ZC3H11A: variants seen among roughly 807,000 people sequenced by gnomAD.
The protein encoded by ZC3H11A is zinc finger CCCH domain-containing protein 11A.
A neutral mutation model predicts 90.8 loss-of-function variants in ZC3H11A; 22 were observed. That is an observed-to-expected ratio of 0.24 (90% confidence interval 0.17 to 0.35). ZC3H11A has a LOEUF of 0.35. Ranked by LOEUF, ZC3H11A falls within the 10% of genes least tolerant of loss-of-function variation. ZC3H11A has a pLI of 1.00. For missense variants in ZC3H11A, 701 were observed against 964.9 expected (o/e 0.73, Z 3.62); for synonymous variants, 294 against 339.8 (o/e 0.87, Z 1.48).
chr1:203,829,002 A>G (rs1681420744), intron 5 of ZC3H11A, among the ~76,000 whole-genome samples: 1 of 152,250 alleles, frequency 6.6e-6, no homozygotes, highest in Non-Finnish European at 1.5e-5. Flanking sequence ...TTTAAAAGCC[A>G]CAGTTGCTAC....
At chr1:203,798,100 C>T in intron 1 of ZC3H11A, 2 of 1,536,118 alleles carry the variant, frequency 1.3e-6, no homozygotes, top group Non-Finnish European at 1.7e-6. Flanking sequence ...TTTGGAGTTG[C>T]TAGTGGAGAG....
Position 203,843,547 on chromosome 1 carries a change from A to T in ZC3H11A, c.1042+3173A>T, listed in dbSNP as rs566399002. Among the ~76,000 whole-genome samples, 3 of 152,318 alleles carry T rather than the reference A, an allele frequency of 2.0e-5. No homozygotes were observed. In the East Asian group the frequency reaches 5.8e-4, roughly 29 times the overall value. The stretch of plus-strand genomic sequence containing the variant: ...TTTTCCTGTAAAGGGTCGGATATAA[A>T]TAACTTTGCAGTCCACAGTATTGCA... On this transcript the variant is annotated intron_variant, in intron 12 of 17. Transcript: ENST00000367210.
At chr1:203,833,384 A>C (rs1371744334) in intron 9 of ZC3H11A, among the ~76,000 whole-genome samples, 2 of 136,086 alleles carry the variant, frequency 1.5e-5, no homozygotes, top group East Asian at 2.0e-4. Flanking sequence ...AAAAAAAAAA[A>C]CACCAGGTGT....
Position 203,829,622 on chromosome 1 carries a change from T to G in ZC3H11A, c.470T>G (p.Ile157Ser). ...AGCCCCACGCATCCACCAGTTGTAA[T>G]TAATGCTGCAGATGATGATGAAGAT... ...VPSPTHPPVVINAADDDEDDD... is the reference protein window; with the variant it reads ...VPSPTHPPVVSNAADDDEDDD... Residue 157 changes from isoleucine to serine, a missense_variant, in exon 6 of 18, where the codon ATT (isoleucine) becomes AGT (serine). By Grantham distance (142) the Ile-to-Ser change is moderately radical. Coordinates refer to ENST00000367210, the MANE Select transcript of ZC3H11A (RefSeq NM_001376342.1). The G allele has an allele frequency of 6.2e-7, 1 of 1,614,230 alleles. No homozygotes were observed. The highest frequency in any genetic ancestry group is 8.5e-7 in the Non-Finnish European group (1 of 1,180,046).
intron 4 of ZC3H11A, among the ~76,000 whole-genome samples, chr1:203,821,287 A>G (rs66989691): frequency 0.15 from 23,554 of 152,064 alleles, 1,913 homozygotes; most frequent in African/African-American, 0.17. Context: ...CTCCCCAGCC[A>G]TGCAGAACTG....
At chr1:203,827,555 A>G (rs1288890234) in intron 4 of ZC3H11A, among the ~76,000 whole-genome samples, 1 of 151,826 alleles carries the variant, frequency 6.6e-6, no homozygotes, top group Non-Finnish European at 1.5e-5. Flanking sequence ...GGTGGCAGGC[A>G]CCTGTAGTCC....
intron 2 of ZC3H11A, among the ~76,000 whole-genome samples, chr1:203,816,371 T>A (rs1676382334): frequency 6.6e-6 from 1 of 152,164 alleles, no homozygotes; most frequent in South Asian, 2.1e-4. Context: ...ACACCTATAA[T>A]CCCAGCATTT....
At chr1:203,818,112 T>G (rs1244461367) in intron 3 of ZC3H11A, among the ~76,000 whole-genome samples, 1 of 152,130 alleles carries the variant, frequency 6.6e-6, no homozygotes, top group Non-Finnish European at 1.5e-5. Flanking sequence ...TATAGCAGTT[T>G]GCACAACAGT....
Position 203,854,081 on chromosome 1 carries a change from G to A in ZC3H11A, c.*1682G>A, listed in dbSNP as rs745645181. On this transcript the variant is annotated 3_prime_UTR_variant, in exon 18 of 18. Transcript: ENST00000367210. ...TGAACCATTTGCCCTTACAGAAAGA[G>A]AAATACTTGTTTGTGTTTTAAATAA... 6.6e-6 allele frequency: 1 copy of A among 152,608 alleles called. No individual in the cohort carries two copies. Among genetic ancestry groups the A allele is most frequent in the Non-Finnish European group, 1.5e-5 (1 of 68,038 alleles). The allele number at this position is 152,608 out of a possible 1,614,324, so 9.5% of individuals were successfully genotyped here.
chr1:203,831,557 A>G (rs1682383476), intron 8 of ZC3H11A, 104 bp from the exon 9 acceptor site: 1 of 849,238 alleles, frequency 1.2e-6, no homozygotes, highest in African/African-American at 1.7e-5. Context: ...TAGTCATAAT[A>G]TCAGTCTGTA....
intron 2 of ZC3H11A, chr1:203,805,856 C>G (rs1183276077): frequency 7.9e-6 from 7 of 888,668 alleles, no homozygotes; most frequent in South Asian, 7.7e-5. Flanking sequence ...TTTGCATCTT[C>G]CATCATGTCC....
Position 203,849,771 on chromosome 1 carries a change from A to G in ZC3H11A, c.1684A>G (p.Met562Val). ...AATTCAAGTCAAGAGATGTGAGACC[A>G]TGAGAGAGAAGCACATGCAGAAACA... The part of the protein sequence containing the change: ...TKIQVKRCET[M>V]REKHMQKQQE... The change falls in exon 15 of 18, where the codon ATG becomes GTG. Residue 562 changes from methionine (M) to valine (V), a missense_variant. Met to Val is a conservative substitution (Grantham distance 21, BLOSUM62 1). Around this residue, in one of 4 missense-constraint regions of ZC3H11A, gnomAD observed 530 missense variants for 696.2 expected, o/e 0.76. Coordinates refer to ENST00000367210, the MANE Select transcript of ZC3H11A (RefSeq NM_001376342.1). The G allele has an allele frequency of 1.2e-6, 2 of 1,613,952 alleles. No individual in the cohort carries two copies. The highest frequency in any genetic ancestry group is 4.5e-5 in the East Asian group (2 of 44,868).
intron 1 of ZC3H11A, chr1:203,797,014 CTA>C (rs1398071844): frequency 1.3e-5 from 2 of 153,210 alleles, no homozygotes; most frequent in Non-Finnish European, 2.9e-5. Context: ...GAATGATGCA[CTA>C]TGTTTTTGTT....
intron 4 of ZC3H11A, among the ~76,000 whole-genome samples, chr1:203,826,770 GGTTA>G (rs1470864553): frequency 5.3e-5 from 8 of 152,096 alleles, no homozygotes; most frequent in East Asian, 1.9e-4. Flanking sequence ...GTTCATCGGA[GGTTA>G]GTTAGTTTTT....
intron 4 of ZC3H11A, 43 bp downstream of exon 4, chr1:203,818,732 C>T (rs1240224926): frequency 6.2e-7 from 1 of 1,611,274 alleles, no homozygotes; most frequent in Non-Finnish European, 8.5e-7. Flanking sequence ...AGTCTGGAGA[C>T]CTGGTGGGCC....
chr1:203,807,291 A>G (rs959144941), intron 2 of ZC3H11A, among the ~76,000 whole-genome samples: 2 of 152,032 alleles, frequency 1.3e-5, no homozygotes, highest in African/African-American at 4.8e-5. Flanking sequence ...TAAAATTTTT[A>G]TTTATTTATT....
At chr1:203,806,633 G>T (rs1308729928) in intron 2 of ZC3H11A, among the ~76,000 whole-genome samples, 2 of 152,076 alleles carry the variant, frequency 1.3e-5, no homozygotes, top group East Asian at 3.9e-4. Context: ...GCATATACTA[G>T]AACATCTGGA....
At chr1:203,797,691 A>G (rs1298937139) in intron 1 of ZC3H11A, 6 of 1,535,630 alleles carry the variant, frequency 3.9e-6, no homozygotes, top group South Asian at 2.4e-5. Context: ...TAAAGAGGCA[A>G]AACAGCCTGC....
At chr1:203,848,463 G>T in intron 14 of ZC3H11A, 56 bp downstream of exon 14, 2 of 1,374,786 alleles carry the variant, frequency 1.5e-6, no homozygotes, top group East Asian at 2.4e-5. Flanking sequence ...CTAGATAATT[G>T]GTAGTTTTAC....
Sources: gnomAD v4.1 joint callset for allele counts (sites outside exome capture counted in the v4.1 genomes callset) on GRCh38, gnomAD v4.1.1 for gene constraint, gnomAD v4.1.1 regional missense constraint, MANE v1.5 for transcripts, NCBI Gene and HGNC (gene_info 2026-07-23, HGNC 2026-07-21) for gene names.